Variants in CACNA1C observed in about 807,000 individuals in gnomAD.
The protein encoded by CACNA1C is calcium voltage-gated channel subunit alpha1 C.
A neutral mutation model predicts 229.0 loss-of-function variants in CACNA1C; 30 were observed. The observed-to-expected ratio is 0.13, with a 90% CI of 0.10 to 0.18. The LOEUF is 0.18. Ranked by LOEUF, CACNA1C falls within the 10% of genes least tolerant of loss-of-function variation. The pLI is 1.00. For missense variants in CACNA1C, 1,658 were observed against 2,845.0 expected, an observed-to-expected ratio of 0.58 and a Z score of 9.49; for synonymous variants, 1,114 against 1,132.5, an observed-to-expected ratio of 0.98 and a Z score of 0.33.
At chr12:2,258,402 GA>G (rs2078783728) in intron 3 of CACNA1C, among the ~76,000 whole-genome samples, 1 of 151,828 alleles carries the variant, frequency 6.6e-6, no homozygotes, top group African/African-American at 2.4e-5. Context: ...ATTAATTTTT[GA>G]AAACTCATTT....
chr12:2,249,387 C>G (rs1328404489), intron 3 of CACNA1C, among the ~76,000 whole-genome samples: 1 of 152,208 alleles, frequency 6.6e-6, no homozygotes, highest in Admixed American at 6.5e-5. Flanking sequence ...TTCTCTGCAG[C>G]AGCAGCAGAG....
intron 4 of CACNA1C, among the ~76,000 whole-genome samples, chr12:2,455,785 T>G: frequency 6.6e-6 from 1 of 152,048 alleles, no homozygotes; most frequent in South Asian, 2.1e-4. Context: ...CACTGACCGC[T>G]CTCTTCATGG....
chr12:2,667,317 A>AC (rs1556002384), intron 37 of CACNA1C, among the ~76,000 whole-genome samples: 1 of 151,758 alleles, frequency 6.6e-6, no homozygotes, highest in Admixed American at 6.6e-5. Context: ...CACCGTGGCC[A>AC]TTCCGTGCTC....
chr12:2,362,510 C>G (rs1175539029), intron 3 of CACNA1C, among the ~76,000 whole-genome samples: 2 of 152,152 alleles, frequency 1.3e-5, no homozygotes, highest in Non-Finnish European at 2.9e-5. Flanking sequence ...CAACATTGCA[C>G]TGAGCTTATT....
chr12:2,620,927 T>G (rs2082910405), intron 29 of CACNA1C, among the ~76,000 whole-genome samples: 1 of 152,232 alleles, frequency 6.6e-6, no homozygotes, highest in Admixed American at 6.5e-5. Flanking sequence ...AAAGTCGGAA[T>G]ATTAGTGTCA....
chr12:2,047,104 C>A (rs1308159078), intron 1 of CACNA1C, among the ~76,000 whole-genome samples: 1 of 152,178 alleles, frequency 6.6e-6, no homozygotes, highest in African/African-American at 2.4e-5. Flanking sequence ...AGTGCACGGC[C>A]TCTGGGTTTG....
intron 1 of CACNA1C, among the ~76,000 whole-genome samples, chr12:2,025,938 G>C (rs976021393): frequency 3.0e-5 from 4 of 133,830 alleles, no homozygotes; most frequent in African/African-American, 8.3e-5. Context: ...GGTAACCAAG[G>C]GGGGAAGACA....
intron 1 of CACNA1C, among the ~76,000 whole-genome samples, chr12:2,033,871 C>T (rs1824560625): frequency 6.6e-6 from 1 of 152,208 alleles, no homozygotes; most frequent in Admixed American, 6.5e-5. Context: ...CTGGCCCTGG[C>T]CATACTGCCC....
intron 1 of CACNA1C, among the ~76,000 whole-genome samples, chr12:2,081,322 A>G (rs547015060): frequency 4.6e-5 from 7 of 150,860 alleles, no homozygotes; most frequent in Non-Finnish European, 1.0e-4. Flanking sequence ...TGTAATCCCA[A>G]CACTCTGGGA....
At chr12:2,317,115 A>T (rs965161955) in intron 3 of CACNA1C, among the ~76,000 whole-genome samples, 11 of 152,234 alleles carry the variant, frequency 7.2e-5, no homozygotes, top group African/African-American at 2.4e-4. Flanking sequence ...TCCTTAAAAA[A>T]TTACAAATAT....
chr12:2,005,160 G>A (rs919380454), intron 1 of CACNA1C, among the ~76,000 whole-genome samples: 4 of 147,828 alleles, frequency 2.7e-5, no homozygotes, highest in African/African-American at 1.0e-4. Flanking sequence ...AAAAAAAAAA[G>A]AAGAAGGTAG....
At chr12:2,001,399 T>C (rs1409617814) in intron 1 of CACNA1C, among the ~76,000 whole-genome samples, 2 of 152,158 alleles carry the variant, frequency 1.3e-5, no homozygotes, top group African/African-American at 4.8e-5. Context: ...TTATACTGTA[T>C]TATAAAATCT....
chr12:2,585,547 G>T lies in CACNA1C; in HGVS notation c.2460+51G>T. On this transcript the variant is annotated intron_variant, in intron 17 of 46. Transcript: ENST00000399655. This position sits in a 1 kb window ranked among gnomAD's most constrained non-coding sequence, Gnocchi z 4.1. ...CTGTGAGGCCGGTGCTGGGGAGGGA[G>T]GGCCACAGCCTTCCCAGGCCAGAAC... 6.7e-7 allele frequency: 1 copy of T among 1,500,222 alleles called. No homozygotes were observed. Among genetic ancestry groups the T allele is most frequent in the East Asian group, 2.5e-5 (1 of 40,544 alleles). The allele number at this position is 1,500,222 out of a possible 1,614,324, so 92.9% of individuals were successfully genotyped here. A position where few individuals can be genotyped will look rare whatever the true frequency, so the allele number is the denominator to read the frequency against.
At chr12:2,315,943 G>A (rs552414438) in intron 3 of CACNA1C, among the ~76,000 whole-genome samples, 223 of 152,320 alleles carry the variant, frequency 1.5e-3, no homozygotes, top group Non-Finnish European at 2.6e-3. Flanking sequence ...TCGGGCAAGA[G>A]AACAACAACA....
At chr12:2,536,006 A>C (rs1315462973) in intron 9 of CACNA1C, among the ~76,000 whole-genome samples, 1 of 152,250 alleles carries the variant, frequency 6.6e-6, no homozygotes, top group Non-Finnish European at 1.5e-5. Flanking sequence ...GGCAGCCTAG[A>C]AATTTAAGGC....
At chr12:2,431,164 A>C (rs1162571031) in intron 3 of CACNA1C, among the ~76,000 whole-genome samples, 1 of 152,116 alleles carries the variant, frequency 6.6e-6, no homozygotes, top group East Asian at 1.9e-4. Context: ...ACCTTGTTAG[A>C]AGTCAAGATC....
intron 3 of CACNA1C, among the ~76,000 whole-genome samples, chr12:2,364,383 A>G (rs2097664613): frequency 6.6e-6 from 1 of 152,220 alleles, no homozygotes; most frequent in Non-Finnish European, 1.5e-5. Flanking sequence ...TGCCAGTGGG[A>G]GAGGCTGGGA....
chr12:2,649,058 T>A lies in CACNA1C; in HGVS notation c.3945+551T>A, dbSNP rs2094640795. Among the ~76,000 whole-genome samples, 1 of 152,200 alleles carries A rather than the reference T, an allele frequency of 6.6e-6. No individual in the cohort carries two copies. The highest frequency in any genetic ancestry group is 6.5e-5 in the Admixed American group (1 of 15,282). Reference sequence around the variant, plus strand: ...TTGTTACTGAGCGCGTGATTGAATTTCCAGTCACTCCAACCTTGCTATCCC... The same window carrying A: ...TTGTTACTGAGCGCGTGATTGAATTACCAGTCACTCCAACCTTGCTATCCC... On this transcript the variant is annotated intron_variant, in intron 31 of 46. Coordinates refer to ENST00000399655, the MANE Select transcript of CACNA1C (RefSeq NM_000719.7). The surrounding 1 kb of genome is among the most constrained non-coding windows in gnomAD (Gnocchi z 4.4).
At chr12:2,270,564 A>T (rs1189480850) in intron 3 of CACNA1C, among the ~76,000 whole-genome samples, 1 of 152,022 alleles carries the variant, frequency 6.6e-6, no homozygotes, top group South Asian at 2.1e-4. Flanking sequence ...GGGCCACAGC[A>T]CTCCAGACGT....
Sources: allele counts gnomAD v4.1 joint callset (sites outside exome capture counted in the v4.1 genomes callset), GRCh38; gene constraint gnomAD v4.1.1; non-coding constraint Gnocchi (gnomAD v3.1); transcripts MANE v1.5; gene names NCBI Gene and HGNC (gene_info 2026-07-23, HGNC 2026-07-21).